PCSK5: variants seen among roughly 807,000 people sequenced by gnomAD.
PCSK5 encodes prohormone convertase 5.
PCSK5 carries 129 observed loss-of-function variants against 233.2 expected under a neutral mutation model. The ratio of observed to expected loss-of-function variants is 0.55; its 90% CI spans 0.48 to 0.64. PCSK5 has a LOEUF of 0.64. Ranked by LOEUF, PCSK5 falls within the 30% of genes least tolerant of loss-of-function variation. The probability of loss-of-function intolerance (pLI) is 0.00; values close to 1 mark genes in which losing one functional copy is unlikely to be tolerated. For missense variants in PCSK5, 2,076 were observed against 2,430.1 expected (o/e 0.85, Z 3.06); for synonymous variants, 825 against 879.2 (o/e 0.94, Z 1.09).
chr9:75,891,423 C>A (rs746571653), intron 1 of PCSK5, 50 bp downstream of exon 1: 26 of 1,408,744 alleles, frequency 1.8e-5, no homozygotes, highest in Non-Finnish European at 2.5e-5. Flanking sequence ...CCACTGGGGG[C>A]TTCTTGTCCC....
chr9:76,193,662 A>G (rs1824539296), intron 20 of PCSK5: 3 of 226,980 alleles, frequency 1.3e-5, no homozygotes, highest in Admixed American at 1.1e-4. Flanking sequence ...TTGACGTTAA[A>G]GTAATGATTT....
chr9:76,060,928 CA>C (rs1326439449), intron 5 of PCSK5, among the ~76,000 whole-genome samples: 7 of 151,816 alleles, frequency 4.6e-5, no homozygotes, highest in African/African-American at 1.7e-4. Context: ...AGTCTAGTTT[CA>C]AAAAAGACCA....
intron 24 of PCSK5, among the ~76,000 whole-genome samples, chr9:76,258,653 T>C (rs1827059333): frequency 6.6e-6 from 1 of 152,148 alleles, no homozygotes; most frequent in East Asian, 1.9e-4. Context: ...ATAATAGTGA[T>C]AAAATACTAT....
chr9:75,934,348 T>G (rs1823951755), intron 2 of PCSK5, among the ~76,000 whole-genome samples: 1 of 152,172 alleles, frequency 6.6e-6, no homozygotes, highest in South Asian at 2.1e-4. Flanking sequence ...AGCCACAAAT[T>G]GGGGTTTGCC....
chr9:76,346,559 AT>A (rs1281972447), intron 35 of PCSK5, among the ~76,000 whole-genome samples: 2 of 151,902 alleles, frequency 1.3e-5, no homozygotes, highest in South Asian at 2.1e-4. Context: ...TGCTATCATT[AT>A]TTTTTTAATT....
At chr9:76,308,783 CAT>C (rs1828779495) in intron 29 of PCSK5, 55 bp downstream of exon 29, 1 of 1,093,380 alleles carries the variant, frequency 9.1e-7, no homozygotes, top group South Asian at 1.3e-5. Context: ...CATTGAAACT[CAT>C]GTGTAGTGGC....
chr9:76,111,401 G>C (rs1252489518), intron 9 of PCSK5, among the ~76,000 whole-genome samples: 1 of 152,108 alleles, frequency 6.6e-6, no homozygotes, highest in Non-Finnish European at 1.5e-5. Context: ...CATGAGTCTT[G>C]CCTTTCTGCT....
At chr9:76,294,523 A>G (rs1828377663) in intron 25 of PCSK5, among the ~76,000 whole-genome samples, 1 of 152,200 alleles carries the variant, frequency 6.6e-6, no homozygotes, top group African/African-American at 2.4e-5. Flanking sequence ...AAATCACACA[A>G]GCAACCTTTT....
At chr9:75,985,682 A>G (rs1347605374) in intron 2 of PCSK5, among the ~76,000 whole-genome samples, 1 of 152,198 alleles carries the variant, frequency 6.6e-6, no homozygotes, top group African/African-American at 2.4e-5. Flanking sequence ...CATATCATCT[A>G]CAGTGCTGCA....
At chr9:76,068,943 A>G (rs138072871) in intron 6 of PCSK5, among the ~76,000 whole-genome samples, 5 of 152,270 alleles carry the variant, frequency 3.3e-5, no homozygotes, top group African/African-American at 1.2e-4. Flanking sequence ...AAAAATGACA[A>G]TTCTTTCTAG....
chr9:76,161,538 T>A (rs1822857673), intron 12 of PCSK5, among the ~76,000 whole-genome samples: 1 of 152,108 alleles, frequency 6.6e-6, no homozygotes, highest in Admixed American at 6.5e-5. Flanking sequence ...GCTTCACATG[T>A]GTGGATCGTG....
intron 30 of PCSK5, among the ~76,000 whole-genome samples, chr9:76,312,338 C>T (rs570169411): frequency 6.6e-6 from 1 of 152,064 alleles, no homozygotes; most frequent in African/African-American, 2.4e-5. Context: ...GGAGAAACCC[C>T]ATCTCTACTA....
At chr9:76,114,239 G>C (rs1832336363) in intron 9 of PCSK5, among the ~76,000 whole-genome samples, 1 of 152,106 alleles carries the variant, frequency 6.6e-6, no homozygotes, top group Non-Finnish European at 1.5e-5. Flanking sequence ...TTCGACTTGA[G>C]GCCTAGCGGA....
rs556563262 is a variant in PCSK5 at position 76,343,319 on chromosome 9, C to T, written c.4966+4872C>T. On this transcript the variant is annotated intron_variant, in intron 35 of 37. Transcript: ENST00000674117. ...AACTGGGATTACAGGCACACACCAC[C>T]GCACCTGGGTAATTTGTGTGTGTGT... is the stretch of plus-strand genomic sequence containing the variant. 1.5e-4 allele frequency among the ~76,000 whole-genome samples: 22 copies of T among 148,086 alleles called. No individual in the cohort carries two copies. In the East Asian group the frequency reaches 1.6e-3, roughly 11 times the overall value.
In PCSK5 at chr9:76,181,493, A is replaced by G. The variant is rs1464420913; in HGVS notation, c.2099A>G (p.His700Arg). The G allele has an allele frequency of 1.9e-6, 3 of 1,614,100 alleles. No homozygotes were observed. The highest frequency in any genetic ancestry group is 2.5e-6 in the Non-Finnish European group (3 of 1,179,966). The part of the protein sequence containing the change: ...APNCESCFGS[H>R]GDQCMSCKYG... ...AACTGTGAGTCCTGCTTTGGGAGCC[A>G]TGGTGACCAATGCATGTCCTGCAAA... The change falls in exon 16 of 38, where the codon CAT becomes CGT. Residue 700 changes from histidine to arginine, a missense_variant. Coordinates refer to ENST00000674117, the MANE Select transcript of PCSK5 (RefSeq NM_001372043.1).
At chr9:76,084,331 C>T (rs540532201) in intron 7 of PCSK5, among the ~76,000 whole-genome samples, 1 of 152,286 alleles carries the variant, frequency 6.6e-6, no homozygotes, top group Non-Finnish European at 1.5e-5. Context: ...TGGAGAGGAA[C>T]ACAAATCTAT....
intron 5 of PCSK5, among the ~76,000 whole-genome samples, chr9:76,050,656 C>T (rs1213294103): frequency 6.6e-6 from 1 of 152,154 alleles, no homozygotes; most frequent in Non-Finnish European, 1.5e-5. Context: ...ACACCTTGTA[C>T]GTAAACCTTG....
chr9:76,297,994 C>T (rs1389084416), intron 27 of PCSK5, among the ~76,000 whole-genome samples: 1 of 152,156 alleles, frequency 6.6e-6, no homozygotes, highest in Non-Finnish European at 1.5e-5. Flanking sequence ...TTATTCAATC[C>T]AGATTGGGCT....
intron 9 of PCSK5, among the ~76,000 whole-genome samples, chr9:76,108,710 C>T (rs899085634): frequency 1.3e-5 from 2 of 152,060 alleles, no homozygotes; most frequent in African/African-American, 4.8e-5. Context: ...CCGAGATCGC[C>T]CCACTGCACT....
Sources: gnomAD v4.1 joint callset for allele counts (sites outside exome capture counted in the v4.1 genomes callset) on GRCh38, gnomAD v4.1.1 for gene constraint, MANE v1.5 for transcripts, NCBI Gene and HGNC (gene_info 2026-07-23, HGNC 2026-07-21) for gene names.